The following GPC6 variants were observed in gnomAD, a reference collection of about 807,000 sequenced individuals.
GPC6 encodes the protein glypican 6, also known as glypican-6.
GPC6 carries 14 observed loss-of-function variants against 55.2 expected under a neutral mutation model. The ratio of observed to expected loss-of-function variants is 0.25; its 90% CI spans 0.17 to 0.40. The LOEUF (loss-of-function observed/expected upper bound fraction) is 0.40, where lower values mean the gene tolerates loss of function less well. GPC6 is among the 10% of genes least tolerant of loss of function. GPC6 has a pLI of 1.00. For missense variants in GPC6, 641 were observed against 708.5 expected, an observed-to-expected ratio of 0.90 and a Z score of 1.08; for synonymous variants, 278 against 259.6, an observed-to-expected ratio of 1.07 and a Z score of -0.68.
intron 6 of GPC6, among the ~76,000 whole-genome samples, chr13:94,341,962 G>A (rs1878063517): frequency 6.6e-6 from 1 of 152,196 alleles, no homozygotes; most frequent in South Asian, 2.1e-4. Context: ...ATAATTCGGG[G>A]AGAGTTAAAG....
intron 2 of GPC6, among the ~76,000 whole-genome samples, chr13:93,728,360 G>A (rs1198311985): frequency 2.7e-5 from 4 of 150,484 alleles, no homozygotes; most frequent in Admixed American, 1.3e-4. Flanking sequence ...GGGAATACAG[G>A]CCTACCACCA....
intron 2 of GPC6, among the ~76,000 whole-genome samples, chr13:93,657,895 A>G (rs1880752877): frequency 1.3e-5 from 2 of 152,078 alleles, no homozygotes; most frequent in Admixed American, 6.6e-5. Flanking sequence ...AATCAAAACC[A>G]TAAGGAAATC....
At chr13:94,209,243 G>C (rs1215805279) in intron 4 of GPC6, among the ~76,000 whole-genome samples, 1 of 152,088 alleles carries the variant, frequency 6.6e-6, no homozygotes, top group Non-Finnish European at 1.5e-5. Flanking sequence ...CATGTTGTTT[G>C]TTCCCTTCCA....
At chr13:94,182,042 G>A (rs1034013950) in intron 4 of GPC6, among the ~76,000 whole-genome samples, 2 of 152,140 alleles carry the variant, frequency 1.3e-5, no homozygotes, top group Admixed American at 1.3e-4. Flanking sequence ...GCTGAGCCAC[G>A]CAATGTAGAC....
intron 3 of GPC6, among the ~76,000 whole-genome samples, chr13:93,899,323 G>A (rs1876214027): frequency 6.6e-6 from 1 of 151,652 alleles, no homozygotes; most frequent in Non-Finnish European, 1.5e-5. Flanking sequence ...AGTTAAAAAA[G>A]ATTAACTCAG....
chr13:93,740,039 G>A (rs1884147466), intron 2 of GPC6, among the ~76,000 whole-genome samples: 1 of 152,036 alleles, frequency 6.6e-6, no homozygotes, highest in South Asian at 2.1e-4. Context: ...GATAAATCAT[G>A]GTGTTCCCCT....
chr13:94,166,139 C>A (rs1888361253), intron 4 of GPC6, among the ~76,000 whole-genome samples: 1 of 152,160 alleles, frequency 6.6e-6, no homozygotes, highest in South Asian at 2.1e-4. Flanking sequence ...TGACTCCTAG[C>A]ACTGGATAAT....
At chr13:93,459,359 T>G (rs1878594559) in intron 1 of GPC6, among the ~76,000 whole-genome samples, 1 of 152,252 alleles carries the variant, frequency 6.6e-6, no homozygotes, top group Non-Finnish European at 1.5e-5. Context: ...AGCCAACATG[T>G]CTGGCCTAAA....
intron 4 of GPC6, among the ~76,000 whole-genome samples, chr13:94,206,058 A>G (rs555866635): frequency 1.8e-4 from 27 of 152,324 alleles, no homozygotes; most frequent in African/African-American, 6.5e-4. Flanking sequence ...AAATTTCGAT[A>G]GGGCTGAGGT....
intron 1 of GPC6, among the ~76,000 whole-genome samples, chr13:93,459,833 A>G (rs1692626255): frequency 6.6e-6 from 1 of 152,214 alleles, no homozygotes; most frequent in South Asian, 2.1e-4. Flanking sequence ...TTAATAAGAT[A>G]TCAACACACT....
At chr13:94,156,740 G>T (rs949498020) in intron 4 of GPC6, among the ~76,000 whole-genome samples, 1 of 152,162 alleles carries the variant, frequency 6.6e-6, no homozygotes, top group Non-Finnish European at 1.5e-5. Flanking sequence ...CCATGCCCAG[G>T]AGCTCCCAGA....
intron 4 of GPC6, among the ~76,000 whole-genome samples, chr13:94,206,075 AC>A (rs1164237195): frequency 2.6e-5 from 4 of 152,032 alleles, no homozygotes; most frequent in African/African-American, 9.7e-5. Flanking sequence ...AGGTTGAGAA[AC>A]CCTGACCTAG....
At chr13:93,991,840 T>A (rs1430527252) in intron 3 of GPC6, among the ~76,000 whole-genome samples, 1 of 152,170 alleles carries the variant, frequency 6.6e-6, no homozygotes, top group Non-Finnish European at 1.5e-5. Context: ...TGATATAACA[T>A]CACTCTTTAT....
chr13:94,000,322 T>C (rs958602962), intron 3 of GPC6, among the ~76,000 whole-genome samples: 12 of 152,264 alleles, frequency 7.9e-5, no homozygotes, highest in Admixed American at 6.5e-4. Context: ...TTGAAATCCA[T>C]TTATACTCTG....
At chr13:93,593,923 GA>G (rs1203492194) in intron 2 of GPC6, among the ~76,000 whole-genome samples, 1 of 151,852 alleles carries the variant, frequency 6.6e-6, no homozygotes, top group African/African-American at 2.4e-5. Context: ...AATGTTATGT[GA>G]AAAAAAGCTG....
chr13:93,220,196 G>T, the GPC6 span, among the ~76,000 whole-genome samples: 33 of 152,268 alleles, frequency 2.2e-4, no homozygotes, highest in Non-Finnish European at 3.5e-4. Flanking sequence ...TTCCATTGAC[G>T]AAAGTTAGCA....
At chr13:94,237,637 C>G (rs1357540608) in intron 4 of GPC6, among the ~76,000 whole-genome samples, 2 of 151,970 alleles carry the variant, frequency 1.3e-5, no homozygotes, top group South Asian at 2.1e-4. Flanking sequence ...TGCAGAGGCC[C>G]CAATGTGGGG....
intron 4 of GPC6, among the ~76,000 whole-genome samples, chr13:94,259,027 C>T (rs1289623680): frequency 1.3e-5 from 2 of 151,810 alleles, no homozygotes; most frequent in African/African-American, 4.8e-5. Flanking sequence ...ACCCCTTCCT[C>T]ACTGGAAACC....
chr13:93,905,885 A>G (rs1876637489), intron 3 of GPC6, among the ~76,000 whole-genome samples: 1 of 152,226 alleles, frequency 6.6e-6, no homozygotes, highest in South Asian at 2.1e-4. Flanking sequence ...TATGTGAACA[A>G]TATCACCCAT....
Sources: gnomAD v4.1 joint callset for allele counts (sites outside exome capture counted in the v4.1 genomes callset) on GRCh38, gnomAD v4.1.1 for gene constraint, MANE v1.5 for transcripts, NCBI Gene and HGNC (gene_info 2026-07-23, HGNC 2026-07-21) for gene names.